Variants in SLC27A4 observed in about 807,000 individuals in gnomAD.
The protein encoded by SLC27A4 is solute carrier family 27 member 4, also known as long-chain fatty acid transport protein 4.
Under a neutral mutation model 64.4 loss-of-function variants are expected in SLC27A4, and 33 were observed. The ratio of observed to expected loss-of-function variants is 0.51; its 90% confidence interval spans 0.39 to 0.68. The LOEUF (loss-of-function observed/expected upper bound fraction) is 0.68, where lower values mean the gene tolerates loss of function less well. Ranked by LOEUF, SLC27A4 falls within the 30% of genes least tolerant of loss-of-function variation. SLC27A4 has a pLI of 0.00. For synonymous variants in SLC27A4, 377 were observed against 370.0 expected (o/e 1.02, Z -0.22); for missense variants, 824 against 883.5 (o/e 0.93, Z 0.85).
At chr9:128,348,420 G>C in intron 3 of SLC27A4, 125 bp from the exon 4 acceptor site, 1 of 1,182,534 alleles carries the variant, frequency 8.5e-7, no homozygotes, top group Non-Finnish European at 1.2e-6. Context: ...AGGCCCAGTT[G>C]CTTCACTGCC....
chr9:128,352,881 G>A, intron 7 of SLC27A4, 134 bp downstream of exon 7: 1 of 1,057,508 alleles, frequency 9.5e-7, no homozygotes. Flanking sequence ...AGTTCCCATT[G>A]TTCAGATGGG....
Position 128,360,799 on chromosome 9 carries a change from C to A in SLC27A4, c.*308C>A. ...AGGGTAGGGAGAGGACAAGGGGTCA[C>A]CGAGCCCTTCCCAGAGAGCAGGGAG... On this transcript the variant is annotated 3_prime_UTR_variant, in exon 13 of 13. Transcript: ENST00000300456. 2.4e-6 allele frequency: 1 copy of A among 410,750 alleles called. No individual in the cohort carries two copies. Among genetic ancestry groups the A allele is most frequent in the South Asian group, 2.3e-5 (1 of 44,144 alleles). The allele number at this position is 410,750 out of a possible 1,614,324, so 25.4% of individuals were successfully genotyped here.
intron 3 of SLC27A4, among the ~76,000 whole-genome samples, chr9:128,348,061 G>A (rs1564400184): frequency 6.6e-6 from 1 of 152,108 alleles, no homozygotes; most frequent in Admixed American, 6.6e-5. Context: ...AGTGCGCAGG[G>A]GAGCCTGAAA....
chr9:128,354,387 C>T (rs750925230), intron 9 of SLC27A4, among the ~76,000 whole-genome samples: 5 of 152,104 alleles, frequency 3.3e-5, no homozygotes, highest in African/African-American at 7.2e-5. Context: ...CAAACTGTGC[C>T]CATGGCAGCA....
In SLC27A4 at chr9:128,355,168, G is replaced by T. The variant is rs587776382; in HGVS notation, c.1440G>T (p.Lys480Asn). 58 of 1,613,546 alleles carry T rather than the reference G, an allele frequency of 3.6e-5. No individual in the cohort carries two copies. The East Asian group carries it at 1.3e-3, about 36-fold the overall frequency. Residue 480 changes from lysine to asparagine, a missense_variant, in exon 10 of 13, where the codon AAG becomes AAT. Physicochemically the swap from Lys to Asn is moderately conservative, Grantham distance 94. Transcript: ENST00000300456. ...NKKIAKDVFK[K>N]GDQAYLTGDV... ...AGATTGCCAAGGATGTCTTCAAGAA[G>T]GGGGACCAGGCCTACCTTACTGGTG...
In SLC27A4 at chr9:128,345,262, A is replaced by G. The variant is rs1015832821; in HGVS notation, c.269A>G (p.Lys90Arg). 6.2e-7 allele frequency: 1 copy of G among 1,613,826 alleles called. No individual in the cohort carries two copies. The highest frequency in any genetic ancestry group is 1.3e-5 in the African/African-American group (1 of 74,906). The stretch of plus-strand genomic sequence containing the variant: ...TCTACCGTTCGGCGCCACCCCGACA[A>G]GACGGCCCTGATCTTCGAGGGCACA... ...FASTVRRHPD[K>R]TALIFEGTDT... is the part of the protein sequence containing the mutation. Residue 90 changes from lysine to arginine, a missense_variant, in exon 3 of 13, where the codon AAG becomes AGG. Transcript: ENST00000300456. The surrounding 1 kb of genome is among the most constrained non-coding windows in gnomAD (Gnocchi z 4.1).
intron 12 of SLC27A4, 25 bp downstream of exon 12, chr9:128,355,821 C>G: frequency 1.2e-6 from 2 of 1,611,638 alleles, no homozygotes; most frequent in Non-Finnish European, 1.7e-6. Context: ...TGCTCCAGCT[C>G]TCGGATCCCA....
intron 4 of SLC27A4, 119 bp downstream of exon 4, chr9:128,348,822 C>T (rs1832694945): frequency 6.9e-6 from 7 of 1,015,736 alleles, no homozygotes; most frequent in Non-Finnish European, 1.0e-5. Flanking sequence ...CATGTCACGT[C>T]ACCTCCCTTT....
chr9:128,355,434 A>T lies in SLC27A4; in HGVS notation c.1499A>T (p.Tyr500Phe), dbSNP rs144844009. The T allele has an allele frequency of 2.2e-5, 35 of 1,613,472 alleles. No individual in the cohort carries two copies. Among genetic ancestry groups the T allele is most frequent in the Admixed American group, 3.3e-5 (2 of 59,994 alleles). Residue 500 changes from tyrosine to phenylalanine, a missense_variant, in exon 11 of 13, where the codon TAC becomes TTC. Transcript: ENST00000300456. ...GTGATGGACGAGCTGGGCTACCTGT[A>T]CTTCCGAGACCGCACTGGGGACACG... ...VLVMDELGYL[Y>F]FRDRTGDTFR...
intron 12 of SLC27A4, among the ~76,000 whole-genome samples, chr9:128,359,568 T>C (rs1229951691): frequency 6.6e-6 from 1 of 152,234 alleles, no homozygotes; most frequent in South Asian, 2.1e-4. Flanking sequence ...GAGGTTGCAG[T>C]GAGCCAAGAT....
intron 11 of SLC27A4, 39 bp from the exon 12 acceptor site, chr9:128,355,611 G>T (rs370897963): frequency 2.1e-5 from 34 of 1,607,160 alleles, no homozygotes; most frequent in Non-Finnish European, 2.7e-5. Flanking sequence ...CCACCCAGGG[G>T]CACCACCAGC....
chr9:128,355,958 G>A (rs139294600), intron 12 of SLC27A4, among the ~76,000 whole-genome samples, 162 bp downstream of exon 12: 1 of 152,262 alleles, frequency 6.6e-6, no homozygotes, highest in Non-Finnish European at 1.5e-5. Flanking sequence ...TGGCAGAGAA[G>A]ACACACATTG....
chr9:128,355,347 T>C, intron 10 of SLC27A4, 51 bp from the exon 11 acceptor site: 7 of 1,611,132 alleles, frequency 4.3e-6, no homozygotes, highest in Non-Finnish European at 5.9e-6. Context: ...GCTTGAGCCC[T>C]GGTCTCAGAG....
At position 128,342,529 on chromosome 9, in the gene SLC27A4, G is replaced by A. The variant is rs531870649; in HGVS notation, c.-6-598G>A. 48 of 830,652 alleles carry A rather than the reference G, an allele frequency of 5.8e-5. No individual in the cohort carries two copies. The African/African-American group carries it at 6.2e-4, about 11-fold the overall frequency. The allele number at this position is 830,652 out of a possible 1,614,324, so 51.5% of individuals were successfully genotyped here. A position where few individuals can be genotyped will look rare whatever the true frequency, so the allele number is the denominator to read the frequency against. On this transcript the variant is annotated intron_variant, in intron 1 of 12. Coordinates refer to ENST00000300456, the MANE Select transcript of SLC27A4 (RefSeq NM_005094.4). ...AAGAACTACTGACAACGAAGGCTGCGCCTGCCTCTCCCATCTGTCTATCTG... is the reference window on the plus strand; with the variant it reads ...AAGAACTACTGACAACGAAGGCTGCACCTGCCTCTCCCATCTGTCTATCTG...
chr9:128,349,800 C>T (rs900891633), intron 4 of SLC27A4, among the ~76,000 whole-genome samples: 3 of 152,218 alleles, frequency 2.0e-5, no homozygotes, highest in African/African-American at 7.2e-5. Context: ...TGGGACAGAT[C>T]AATGCTCAGC....
Position 128,352,695 on chromosome 9 carries a change from A to C in SLC27A4, c.935A>C (p.Lys312Thr). The change falls in exon 7 of 13, where the codon AAG becomes ACG. Residue 312 changes from lysine (K) to threonine (T), a missense_variant. Physicochemically the swap from Lys to Thr is moderately conservative, Grantham distance 78. Transcript: ENST00000300456. The part of the protein sequence containing the change: ...LLHGMTVVIR[K>T]KFSASRFWDD... Reference sequence around the variant, plus strand: ...CATGGCATGACGGTGGTGATTCGGAAGAAGTTCTCAGCCTCCCGGTTCTGG... The same window carrying C: ...CATGGCATGACGGTGGTGATTCGGACGAAGTTCTCAGCCTCCCGGTTCTGG... 1.9e-6 allele frequency: 3 copies of C among 1,614,194 alleles called. No homozygotes were observed. The highest frequency in any genetic ancestry group is 2.5e-6 in the Non-Finnish European group (3 of 1,180,028).
intron 9 of SLC27A4, among the ~76,000 whole-genome samples, chr9:128,354,554 C>T (rs1172307776): frequency 6.6e-6 from 1 of 152,068 alleles, no homozygotes; most frequent in East Asian, 1.9e-4. Flanking sequence ...CGAGAACAAA[C>T]ATCACTGGCT....
At chr9:128,352,339 G>C (rs1055044919) in intron 6 of SLC27A4, among the ~76,000 whole-genome samples, 4 of 152,190 alleles carry the variant, frequency 2.6e-5, no homozygotes, top group African/African-American at 9.6e-5. Flanking sequence ...CTGCTTGTTT[G>C]TAGGGGCTTA....
At chr9:128,357,890 G>A (rs1035195714) in intron 12 of SLC27A4, among the ~76,000 whole-genome samples, 1 of 152,162 alleles carries the variant, frequency 6.6e-6, no homozygotes, top group East Asian at 1.9e-4. Context: ...CTAAAGCATC[G>A]GGGAGGGTTT....
Sources: gnomAD v4.1 joint callset for allele counts (sites outside exome capture counted in the v4.1 genomes callset) on GRCh38, gnomAD v4.1.1 for gene constraint, Gnocchi (gnomAD v3.1) non-coding constraint, MANE v1.5 for transcripts, NCBI Gene and HGNC (gene_info 2026-07-23, HGNC 2026-07-21) for gene names.